The following OPCML variants were observed in gnomAD, a reference collection of about 807,000 sequenced individuals.
The protein encoded by OPCML is opioid binding protein/cell adhesion molecule like.
In OPCML, 13 loss-of-function variants were observed where a neutral mutation model predicts 37.8. The observed-to-expected ratio is 0.34, with a 90% CI of 0.22 to 0.55. OPCML has a LOEUF of 0.55. Among genes scored for constraint, OPCML ranks in the 20% least tolerant of loss-of-function variants. OPCML has a pLI of 0.91. For synonymous variants in OPCML, 176 were observed against 168.8 expected, an observed-to-expected ratio of 1.04 and a Z score of -0.33; for missense variants, 341 against 435.6, an observed-to-expected ratio of 0.78 and a Z score of 1.93.
chr11:133,096,777 G>A (rs1312863386), intron 1 of OPCML, among the ~76,000 whole-genome samples: 1 of 151,922 alleles, frequency 6.6e-6, no homozygotes, highest in Admixed American at 6.6e-5. Flanking sequence ...TTAGAGCAAG[G>A]TAAGTCATCA....
intron 1 of OPCML, among the ~76,000 whole-genome samples, chr11:133,060,950 T>G (rs1322029521): frequency 6.6e-6 from 1 of 152,260 alleles, no homozygotes; most frequent in African/African-American, 2.4e-5. Flanking sequence ...ACTTTTGCTA[T>G]AGTTGAATTT....
At chr11:133,247,518 TTTTC>T (rs749410419) in intron 1 of OPCML, among the ~76,000 whole-genome samples, 9 of 149,942 alleles carry the variant, frequency 6.0e-5, no homozygotes, top group Non-Finnish European at 1.0e-4. Flanking sequence ...AAGTTTTCTT[TTTTC>T]TTTCTTTCTT....
chr11:132,898,681 C>T lies in OPCML; in HGVS notation c.146+44245G>A, dbSNP rs573081706. ...GTCAGGAATCACAGAGTGGGAGTGTCACCACTCACCAATACCCCTAGTGAC... is the reference window on the plus strand; with the variant it reads ...GTCAGGAATCACAGAGTGGGAGTGTTACCACTCACCAATACCCCTAGTGAC... On this transcript the variant is annotated intron_variant, in intron 2 of 7. Transcript: ENST00000524381. Among the ~76,000 whole-genome samples, 25 of 152,268 alleles carry T rather than the reference C, an allele frequency of 1.6e-4. No individual in the cohort carries two copies. In the South Asian group the frequency reaches 5.0e-3, roughly 30 times the overall value.
chr11:133,338,126 A>G (rs1943783789), intron 1 of OPCML, among the ~76,000 whole-genome samples: 2 of 152,232 alleles, frequency 1.3e-5, no homozygotes, highest in South Asian at 4.1e-4. Flanking sequence ...GAATCAAAAG[A>G]TGACTGCCAG....
intron 1 of OPCML, among the ~76,000 whole-genome samples, chr11:133,252,162 C>T (rs1261949947): frequency 6.6e-6 from 1 of 152,164 alleles, no homozygotes; most frequent in Non-Finnish European, 1.5e-5. Flanking sequence ...TCTATTAAGA[C>T]ATCAGGATTA....
At chr11:132,581,559 G>A (rs551885362) in intron 3 of OPCML, among the ~76,000 whole-genome samples, 1 of 152,246 alleles carries the variant, frequency 6.6e-6, no homozygotes, top group East Asian at 1.9e-4. Context: ...GGCCTCTGAT[G>A]GCTAAGCAAT....
chr11:133,528,560 C>T (rs1030525110), intron 1 of OPCML, among the ~76,000 whole-genome samples: 1 of 152,210 alleles, frequency 6.6e-6, no homozygotes, highest in African/African-American at 2.4e-5. Context: ...CCAGGCCTTA[C>T]CCCAAAGCCA....
chr11:132,588,108 T>C (rs2096476979), intron 3 of OPCML, among the ~76,000 whole-genome samples: 1 of 152,082 alleles, frequency 6.6e-6, no homozygotes, highest in Admixed American at 6.6e-5. Flanking sequence ...GTCACCACAT[T>C]GATAGCGACA....
intron 1 of OPCML, among the ~76,000 whole-genome samples, chr11:133,170,444 C>T (rs530004583): frequency 6.6e-6 from 1 of 152,196 alleles, no homozygotes; most frequent in Non-Finnish European, 1.5e-5. Flanking sequence ...CTAGATCGTG[C>T]CACTGCACTC....
intron 1 of OPCML, among the ~76,000 whole-genome samples, chr11:133,363,786 G>A (rs11828863): frequency 0.06 from 9,017 of 151,130 alleles, 345 homozygotes; most frequent in African/African-American, 0.11. Context: ...ATCCCAAGCC[G>A]AGCAAAAGAG....
At chr11:132,600,649 G>C (rs990522216) in intron 3 of OPCML, among the ~76,000 whole-genome samples, 20 of 152,174 alleles carry the variant, frequency 1.3e-4, no homozygotes, top group African/African-American at 4.8e-4. Flanking sequence ...GGGACCAAAA[G>C]CTATTCTTAA....
chr11:132,428,861 G>A (rs1227335274), intron 7 of OPCML, among the ~76,000 whole-genome samples: 1 of 152,132 alleles, frequency 6.6e-6, no homozygotes, highest in African/African-American at 2.4e-5. Context: ...CTCGATAGCT[G>A]GCAGCTTCTT....
intron 1 of OPCML, among the ~76,000 whole-genome samples, chr11:133,381,888 G>A (rs763309048): frequency 6.6e-6 from 1 of 152,204 alleles, no homozygotes; most frequent in Non-Finnish European, 1.5e-5. Context: ...TGTAGTCTGG[G>A]AAGTATCACT....
At chr11:132,709,775 C>A (rs1784178) in intron 2 of OPCML, among the ~76,000 whole-genome samples, 26 of 152,202 alleles carry the variant, frequency 1.7e-4, no homozygotes, top group African/African-American at 5.8e-4. Context: ...AGAGGGGCAC[C>A]AAGGCTTTAT....
intron 1 of OPCML, among the ~76,000 whole-genome samples, chr11:133,204,876 A>ATATATATATATATATATATGTGTT (rs1565502194): frequency 3.3e-5 from 1 of 30,042 alleles, no homozygotes; most frequent in Non-Finnish European, 7.3e-5. Context: ...GTGTATATAT[A>ATATATATATATATATATATGTGTT]TATATATATA....
At chr11:133,355,970 GC>G (rs1267082622) in intron 1 of OPCML, among the ~76,000 whole-genome samples, 1 of 152,126 alleles carries the variant, frequency 6.6e-6, no homozygotes, top group Non-Finnish European at 1.5e-5. Context: ...AATAGAGTGG[GC>G]ATTCAGAATA....
intron 1 of OPCML, among the ~76,000 whole-genome samples, chr11:133,386,660 G>A (rs889618589): frequency 6.6e-6 from 1 of 152,194 alleles, no homozygotes; most frequent in Non-Finnish European, 1.5e-5. Flanking sequence ...TTTTCCCTCT[G>A]CGATGTCCTC....
chr11:133,359,030 G>A (rs1944355887), intron 1 of OPCML, among the ~76,000 whole-genome samples: 1 of 152,130 alleles, frequency 6.6e-6, no homozygotes, highest in Non-Finnish European at 1.5e-5. Flanking sequence ...CAAAAACTTT[G>A]TTGTTTATTC....
At chr11:132,565,684 T>C (rs973047027) in intron 3 of OPCML, among the ~76,000 whole-genome samples, 2 of 152,192 alleles carry the variant, frequency 1.3e-5, no homozygotes, top group East Asian at 1.9e-4. Context: ...AACCAATGTG[T>C]CTTCTGCTTT....
Sources: allele counts gnomAD v4.1 joint callset (sites outside exome capture counted in the v4.1 genomes callset), GRCh38; gene constraint gnomAD v4.1.1; transcripts MANE v1.5; gene names NCBI Gene and HGNC (gene_info 2026-07-23, HGNC 2026-07-21).